The following PTPRG variants were observed in gnomAD, a reference collection of about 807,000 sequenced individuals.
PTPRG encodes the protein protein tyrosine phosphatase receptor type G, also known as receptor-type tyrosine-protein phosphatase gamma.
PTPRG carries 102 observed loss-of-function variants against 165.3 expected under a neutral mutation model. The observed-to-expected ratio is 0.62, with a 90% CI of 0.53 to 0.73. PTPRG has a LOEUF of 0.73. Ranked by LOEUF, PTPRG falls within the 30% of genes least tolerant of loss-of-function variation. The pLI is 0.00. For synonymous variants in PTPRG, 675 were observed against 669.5 expected (o/e 1.01, Z -0.13); for missense variants, 1,866 against 1,861.4 (o/e 1.00, Z -0.05).
At chr3:62,012,361 C>T (rs779478653) in intron 4 of PTPRG, among the ~76,000 whole-genome samples, 9 of 152,066 alleles carry the variant, frequency 5.9e-5, no homozygotes, top group Non-Finnish European at 7.4e-5. Flanking sequence ...TTTTCAGAAC[C>T]GCTGATGCAG....
At chr3:61,712,992 T>G (rs549903719) in intron 1 of PTPRG, among the ~76,000 whole-genome samples, 1 of 152,262 alleles carries the variant, frequency 6.6e-6, no homozygotes, top group East Asian at 1.9e-4. Context: ...ATTAGTAACA[T>G]ACCAACTTCA....
At chr3:62,137,760 C>T (rs1313176022) in intron 6 of PTPRG, among the ~76,000 whole-genome samples, 1 of 152,120 alleles carries the variant, frequency 6.6e-6, no homozygotes, top group Admixed American at 6.5e-5. Flanking sequence ...ATCCACTCTT[C>T]GTCGCATGTC....
At chr3:62,043,162 T>C (rs9844026) in intron 4 of PTPRG, among the ~76,000 whole-genome samples, 3,980 of 152,322 alleles carry the variant, frequency 0.026, 175 homozygotes, top group African/African-American at 0.091. Flanking sequence ...TTTAATTCGA[T>C]CACATAAAAT....
intron 1 of PTPRG, among the ~76,000 whole-genome samples, chr3:61,659,123 C>G (rs1702592768): frequency 6.6e-6 from 1 of 152,196 alleles, no homozygotes; most frequent in Non-Finnish European, 1.5e-5. Flanking sequence ...CCCCTCTAGC[C>G]TGAAAGCCTT....
intron 1 of PTPRG, among the ~76,000 whole-genome samples, chr3:61,731,890 C>A (rs189406557): frequency 6.7e-6 from 1 of 150,194 alleles, no homozygotes; most frequent in African/African-American, 2.5e-5. Context: ...CAACCTTCAC[C>A]TCCCAGGTTC....
chr3:61,790,147 T>A (rs1217643057), intron 2 of PTPRG, among the ~76,000 whole-genome samples: 3 of 152,088 alleles, frequency 2.0e-5, no homozygotes, highest in African/African-American at 7.2e-5. Context: ...GGCAGTGGAG[T>A]ACAGAGGGTG....
chr3:62,074,998 A>G (rs530402888), intron 4 of PTPRG, among the ~76,000 whole-genome samples: 59 of 152,310 alleles, frequency 3.9e-4, no homozygotes, highest in African/African-American at 1.4e-3. Context: ...AGACACTTCA[A>G]ATATTACCGT....
intron 1 of PTPRG, among the ~76,000 whole-genome samples, chr3:61,671,989 C>T (rs1271941480): frequency 1.6e-5 from 2 of 121,642 alleles, no homozygotes; most frequent in South Asian, 3.1e-4. Context: ...CGGAGGGGCT[C>T]CTCACTTCTC....
In PTPRG at chr3:62,237,364, T is replaced by C. The variant is rs982017425; in HGVS notation, c.2375+6053T>C. Among the ~76,000 whole-genome samples the C allele has an allele frequency of 3.9e-5, 6 of 152,170 alleles. No individual in the cohort carries two copies. The highest frequency in any genetic ancestry group is 8.8e-5 in the Non-Finnish European group (6 of 68,036). ...GTAAGTCTCTATAACTGGAATTTTA[T>C]TAATACTTATAAAGGACTGTCAGAG... On this transcript the variant is annotated intron_variant, in intron 14 of 29. Transcript: ENST00000474889. This position sits in a 1 kb window ranked among gnomAD's most constrained non-coding sequence, Gnocchi z 4.5.
intron 4 of PTPRG, among the ~76,000 whole-genome samples, chr3:62,066,426 G>T (rs185877895): frequency 1.3e-5 from 2 of 152,168 alleles, no homozygotes; most frequent in African/African-American, 4.8e-5. Flanking sequence ...TATCCAAAAT[G>T]ATTTTCCAGA....
intron 1 of PTPRG, among the ~76,000 whole-genome samples, chr3:61,564,373 TG>T (rs1699853902): frequency 6.6e-6 from 1 of 152,188 alleles, no homozygotes; most frequent in Non-Finnish European, 1.5e-5. Context: ...ATGCAGTCAG[TG>T]GGCTGACCGT....
At chr3:62,154,621 G>T (rs1436699877) in intron 6 of PTPRG, among the ~76,000 whole-genome samples, 1 of 152,092 alleles carries the variant, frequency 6.6e-6, no homozygotes, top group Non-Finnish European at 1.5e-5. Context: ...TAAAGCCATG[G>T]CCTCTTCCTA....
chr3:61,987,713 C>T (rs571897432), intron 2 of PTPRG, among the ~76,000 whole-genome samples: 1 of 152,186 alleles, frequency 6.6e-6, no homozygotes, highest in Admixed American at 6.5e-5. Context: ...AGTAAAATTC[C>T]TATTTTGGTC....
intron 1 of PTPRG, among the ~76,000 whole-genome samples, chr3:61,678,164 C>CAAACCAAAGGCTTTG (rs1703303310): frequency 6.6e-6 from 1 of 152,070 alleles, no homozygotes; most frequent in African/African-American, 2.4e-5. Flanking sequence ...CAAAGGCATG[C>CAAACCAAAGGCTTTG]GTGTGGCTGC....
At chr3:61,600,762 A>C (rs1700842413) in intron 1 of PTPRG, among the ~76,000 whole-genome samples, 1 of 152,100 alleles carries the variant, frequency 6.6e-6, no homozygotes, top group African/African-American at 2.4e-5. Flanking sequence ...GCTGGTCTCA[A>C]ACTCCTAAGC....
chr3:61,708,723 C>G (rs2031394904), intron 1 of PTPRG, among the ~76,000 whole-genome samples: 1 of 152,114 alleles, frequency 6.6e-6, no homozygotes, highest in Non-Finnish European at 1.5e-5. Context: ...TCCCAAGGTG[C>G]TGGAATTACA....
intron 2 of PTPRG, among the ~76,000 whole-genome samples, chr3:61,834,056 C>T (rs1436812843): frequency 6.6e-6 from 1 of 152,136 alleles, no homozygotes; most frequent in Non-Finnish European, 1.5e-5. Context: ...AGATGCTTTT[C>T]TTGGGAAGTA....
intron 2 of PTPRG, among the ~76,000 whole-genome samples, chr3:61,806,239 C>T (rs964837607): frequency 1.3e-5 from 2 of 152,206 alleles, no homozygotes; most frequent in South Asian, 2.1e-4. Flanking sequence ...TTATAGCAAG[C>T]CTGACTTGAT....
At chr3:62,172,081 A>G (rs1705239182) in intron 8 of PTPRG, among the ~76,000 whole-genome samples, 1 of 152,198 alleles carries the variant, frequency 6.6e-6, no homozygotes, top group Admixed American at 6.5e-5. Flanking sequence ...GAATTTAATT[A>G]TATTTTGTGG....
Sources: gnomAD v4.1 joint callset for allele counts (sites outside exome capture counted in the v4.1 genomes callset) on GRCh38, gnomAD v4.1.1 for gene constraint, Gnocchi (gnomAD v3.1) non-coding constraint, MANE v1.5 for transcripts, NCBI Gene and HGNC (gene_info 2026-07-23, HGNC 2026-07-21) for gene names.